SGCZ: variants seen among roughly 807,000 people sequenced by gnomAD.
SGCZ encodes zeta-sarcoglycan.
SGCZ carries 40 observed loss-of-function variants against 41.3 expected under a neutral mutation model. That is an observed-to-expected ratio of 0.97 (90% CI 0.75 to 1.26). The LOEUF (loss-of-function observed/expected upper bound fraction) is 1.26, where lower values mean the gene tolerates loss of function less well. SGCZ is among the 50% of genes most tolerant of loss of function. The pLI, the probability that SGCZ is intolerant of heterozygous loss-of-function variation, is 0.00. For synonymous variants in SGCZ, 206 were observed against 137.5 expected (o/e 1.50, Z -3.49); for missense variants, 552 against 369.8 (o/e 1.49, Z -4.04).
chr8:14,641,024 C>A (rs1807006546), intron 1 of SGCZ, among the ~76,000 whole-genome samples: 1 of 151,596 alleles, frequency 6.6e-6, no homozygotes, highest in South Asian at 2.1e-4. Flanking sequence ...TTTGAGAATT[C>A]CATTAGAAAA....
At chr8:15,166,628 C>A (rs540601083) in intron 1 of SGCZ, among the ~76,000 whole-genome samples, 7 of 152,246 alleles carry the variant, frequency 4.6e-5, no homozygotes, top group African/African-American at 1.4e-4. Context: ...TCTAAAAATT[C>A]TAATGTCTGA....
intron 1 of SGCZ, among the ~76,000 whole-genome samples, chr8:15,100,811 T>C (rs1806581461): frequency 6.6e-6 from 1 of 152,102 alleles, no homozygotes. Context: ...AGTGAGACCC[T>C]GTCTCTACAA....
chr8:14,337,479 C>A (rs1226579565), intron 2 of SGCZ, among the ~76,000 whole-genome samples: 1 of 152,038 alleles, frequency 6.6e-6, no homozygotes, highest in Non-Finnish European at 1.5e-5. Context: ...AAGAATTTTA[C>A]TATTGGAAAG....
chr8:14,829,545 T>A (rs1307164184), intron 1 of SGCZ, among the ~76,000 whole-genome samples: 1 of 152,222 alleles, frequency 6.6e-6, no homozygotes, highest in Non-Finnish European at 1.5e-5. Context: ...AAATATAGCA[T>A]AACCTTTGAA....
At chr8:14,970,789 C>T (rs1801266768) in intron 1 of SGCZ, among the ~76,000 whole-genome samples, 1 of 152,016 alleles carries the variant, frequency 6.6e-6, no homozygotes. Context: ...TTAGTTTTGT[C>T]CATTTCTATA....
At chr8:15,046,832 C>T (rs972505597) in intron 1 of SGCZ, among the ~76,000 whole-genome samples, 43 of 151,982 alleles carry the variant, frequency 2.8e-4, no homozygotes, top group African/African-American at 9.7e-4. Context: ...GCTAGCCTTT[C>T]CCCTTTACAT....
chr8:14,206,635 A>C (rs532643702), intron 4 of SGCZ, among the ~76,000 whole-genome samples: 1 of 152,316 alleles, frequency 6.6e-6, no homozygotes, highest in Non-Finnish European at 1.5e-5. Flanking sequence ...AGTTTATAGA[A>C]CGATGTTCAC....
At chr8:14,823,157 G>A (rs902589800) in intron 1 of SGCZ, among the ~76,000 whole-genome samples, 1 of 150,246 alleles carries the variant, frequency 6.7e-6, no homozygotes, top group Non-Finnish European at 1.5e-5. Flanking sequence ...AATGCTTCAT[G>A]ACATTGGGCT....
At chr8:14,240,348 A>C (rs1043532605) in intron 3 of SGCZ, among the ~76,000 whole-genome samples, 1 of 144,482 alleles carries the variant, frequency 6.9e-6, no homozygotes, top group Admixed American at 6.9e-5. Context: ...AAAAAAAAAA[A>C]AAAAAAAGAA....
chr8:14,875,791 T>C (rs1804336415), intron 1 of SGCZ, among the ~76,000 whole-genome samples: 1 of 152,164 alleles, frequency 6.6e-6, no homozygotes, highest in Non-Finnish European at 1.5e-5. Context: ...AGCTATGTTA[T>C]AAATAAGGAG....
At chr8:14,139,239 C>T (rs767859619) in intron 5 of SGCZ, among the ~76,000 whole-genome samples, 1 of 152,084 alleles carries the variant, frequency 6.6e-6, no homozygotes, top group African/African-American at 2.4e-5. Context: ...CAAGAGAAAG[C>T]AGGAAAGATC....
At chr8:14,922,818 TA>T (rs1669633780) in intron 1 of SGCZ, among the ~76,000 whole-genome samples, 1 of 152,126 alleles carries the variant, frequency 6.6e-6, no homozygotes, top group African/African-American at 2.4e-5. Context: ...AATGTTACCA[TA>T]AAAGGAAGTA....
At chr8:14,405,726 T>C (rs1799194115) in intron 2 of SGCZ, among the ~76,000 whole-genome samples, 2 of 152,322 alleles carry the variant, frequency 1.3e-5, no homozygotes, top group Middle Eastern at 3.4e-3. Context: ...TTTCAAATTA[T>C]ATTGTACTAC....
intron 1 of SGCZ, among the ~76,000 whole-genome samples, chr8:14,809,481 C>T (rs573366395): frequency 7.2e-5 from 11 of 151,968 alleles, no homozygotes; most frequent in Admixed American, 2.0e-4. Flanking sequence ...AGAATTTTTT[C>T]GGCATAGAAA....
intron 4 of SGCZ, among the ~76,000 whole-genome samples, chr8:14,215,822 T>C (rs554598994): frequency 1.5e-4 from 23 of 151,294 alleles, no homozygotes; most frequent in African/African-American, 5.1e-4. Context: ...TAAATAAGAG[T>C]GTGTAATTAA....
chr8:14,877,216 C>G (rs892899356), intron 1 of SGCZ, among the ~76,000 whole-genome samples: 3 of 152,096 alleles, frequency 2.0e-5, no homozygotes, highest in African/African-American at 7.2e-5. Context: ...TCATGATCCG[C>G]CAGCCTTAGC....
At chr8:14,490,298 C>G (rs1025694896) in intron 2 of SGCZ, among the ~76,000 whole-genome samples, 1 of 152,156 alleles carries the variant, frequency 6.6e-6, no homozygotes, top group South Asian at 2.1e-4. Context: ...TCTTGCTCAC[C>G]TAAATTTACC....
intron 5 of SGCZ, among the ~76,000 whole-genome samples, chr8:14,112,036 AT>A (rs1414655159): frequency 2.6e-5 from 4 of 152,124 alleles, no homozygotes; most frequent in African/African-American, 9.7e-5. Flanking sequence ...ACATCCATGT[AT>A]TTTTTACAGA....
intron 3 of SGCZ, among the ~76,000 whole-genome samples, chr8:14,253,381 T>A (rs1799354078): frequency 6.6e-6 from 1 of 152,034 alleles, no homozygotes; most frequent in South Asian, 2.1e-4. Context: ...AAAAGCATAG[T>A]GCTTACTTGT....
Sources: allele counts gnomAD v4.1 joint callset (sites outside exome capture counted in the v4.1 genomes callset), GRCh38; gene constraint gnomAD v4.1.1; transcripts MANE v1.5; gene names NCBI Gene and HGNC (gene_info 2026-07-23, HGNC 2026-07-21).